SLC35D1: variants seen among roughly 807,000 people sequenced by gnomAD.
SLC35D1 encodes nucleotide sugar transporter SLC35D1.
SLC35D1 carries 31 observed loss-of-function variants against 46.7 expected under a neutral mutation model. The ratio of observed to expected loss-of-function variants is 0.66; its 90% CI spans 0.50 to 0.90. SLC35D1 has a LOEUF of 0.90. Among genes scored for constraint, SLC35D1 ranks in the 40% least tolerant of loss-of-function variants. The probability of loss-of-function intolerance (pLI) is 0.00; values close to 1 mark genes in which losing one functional copy is unlikely to be tolerated. For synonymous variants in SLC35D1, 195 were observed against 164.6 expected (o/e 1.18, Z -1.41); for missense variants, 397 against 426.2 (o/e 0.93, Z 0.60).
chr1:67,053,168 C>T (rs969589357), intron 1 of SLC35D1, among the ~76,000 whole-genome samples, 179 bp from the exon 2 acceptor site: 5 of 152,198 alleles, frequency 3.3e-5, no homozygotes, highest in African/African-American at 9.6e-5. Context: ...TCAGTCCACC[C>T]CGCTGATGTA....
intron 8 of SLC35D1, among the ~76,000 whole-genome samples, chr1:67,036,911 T>C (rs1668135179): frequency 6.6e-6 from 1 of 152,066 alleles, no homozygotes; most frequent in Non-Finnish European, 1.5e-5. Flanking sequence ...TGTGGTGGTA[T>C]AATTTCATTT....
intron 10 of SLC35D1, among the ~76,000 whole-genome samples, chr1:67,017,748 C>T (rs1667714914): frequency 6.6e-6 from 1 of 152,140 alleles, no homozygotes; most frequent in South Asian, 2.1e-4. Context: ...GATCTGTTTC[C>T]CTTCATCATA....
the SLC35D1 span, chr1:66,984,755 A>G: frequency 6.2e-7 from 1 of 1,614,064 alleles, no homozygotes; most frequent in Non-Finnish European, 8.5e-7. Flanking sequence ...GCAAGAAATG[A>G]AAATGATTTT....
At chr1:67,016,961 A>C (rs1667697859) in intron 10 of SLC35D1, among the ~76,000 whole-genome samples, 1 of 152,204 alleles carries the variant, frequency 6.6e-6, no homozygotes, top group Non-Finnish European at 1.5e-5. Flanking sequence ...ACTTTCTGAC[A>C]GACCAAGGGA....
intron 6 of SLC35D1, among the ~76,000 whole-genome samples, chr1:67,048,292 T>A (rs1312615528): frequency 6.6e-6 from 1 of 152,224 alleles, no homozygotes; most frequent in Admixed American, 6.5e-5. Flanking sequence ...CAGACAGTAA[T>A]CCTTTTCAGA....
the SLC35D1 span, chr1:66,973,120 TAGTG>T: frequency 1.7e-6 from 1 of 589,220 alleles, no homozygotes. Flanking sequence ...TTTTGGTATT[TAGTG>T]AGTAATTATA....
chr1:67,038,216 A>G (rs1166090378), intron 8 of SLC35D1, among the ~76,000 whole-genome samples: 2 of 152,228 alleles, frequency 1.3e-5, no homozygotes, highest in Non-Finnish European at 2.9e-5. Flanking sequence ...CTGAAAATCA[A>G]TCTGTGTGGT....
the SLC35D1 span, among the ~76,000 whole-genome samples, chr1:66,992,601 T>G: frequency 6.6e-6 from 1 of 152,244 alleles, no homozygotes; most frequent in Non-Finnish European, 1.5e-5. Context: ...ATCCTTTTCC[T>G]TCATGGCACT....
At chr1:66,973,693 T>G in the SLC35D1 span, among the ~76,000 whole-genome samples, 1 of 152,132 alleles carries the variant, frequency 6.6e-6, no homozygotes, top group Non-Finnish European at 1.5e-5. Context: ...GAAAAATGTG[T>G]TGTTTCCATG....
the SLC35D1 span, chr1:66,986,603 C>A: frequency 2.7e-6 from 2 of 746,186 alleles, no homozygotes; most frequent in Non-Finnish European, 4.5e-6. Flanking sequence ...GACTGCTTCC[C>A]TTCACCAATG....
intron 10 of SLC35D1, among the ~76,000 whole-genome samples, chr1:67,012,238 T>C (rs1365411641): frequency 6.6e-6 from 1 of 152,202 alleles, no homozygotes; most frequent in African/African-American, 2.4e-5. Context: ...AGGGCCTACC[T>C]ATTCTCACAG....
chr1:67,051,061 G>A (rs1473772025), intron 4 of SLC35D1, among the ~76,000 whole-genome samples: 2 of 150,962 alleles, frequency 1.3e-5, no homozygotes, highest in Non-Finnish European at 2.9e-5. Context: ...ATGAATGGTT[G>A]GATGAGATGG....
At chr1:67,029,066 A>G (rs983190527) in intron 8 of SLC35D1, among the ~76,000 whole-genome samples, 6 of 152,228 alleles carry the variant, frequency 3.9e-5, no homozygotes, top group African/African-American at 7.2e-5. Context: ...CTAGGAAATG[A>G]AAGACCACAT....
At chr1:67,052,370 AGAGCC>A (rs1645318896) in intron 3 of SLC35D1, among the ~76,000 whole-genome samples, 1 of 152,212 alleles carries the variant, frequency 6.6e-6, no homozygotes, top group East Asian at 1.9e-4. Flanking sequence ...ATAATGTATT[AGAGCC>A]CATGGCTCTA....
rs917549449 is a variant in SLC35D1 at position 67,002,421 on chromosome 1, T to C, written c.*1919A>G. 2 of 152,364 alleles carry C rather than the reference T, an allele frequency of 1.3e-5. No individual in the cohort carries two copies. The highest frequency in any genetic ancestry group is 1.3e-4 in the Admixed American group (2 of 15,286). 9.4% of individuals were successfully genotyped at this position (152,364 alleles called of 1,614,324 possible). A position where few individuals can be genotyped will look rare whatever the true frequency, so the allele number is the denominator to read the frequency against. ...AAGGGCGGTTAATTAAATGGCAGCA[T>C]AGTTCAATAAAAAGGACATGGGTTT... On this transcript the variant is annotated 3_prime_UTR_variant, in exon 12 of 12. Coordinates refer to ENST00000235345, the MANE Select transcript of SLC35D1 (RefSeq NM_015139.3).
intron 8 of SLC35D1, among the ~76,000 whole-genome samples, chr1:67,025,535 A>G (rs1667898829): frequency 6.6e-6 from 1 of 152,194 alleles, no homozygotes; most frequent in African/African-American, 2.4e-5. Flanking sequence ...TTATTTTTGA[A>G]AACTGATTTG....
In SLC35D1 at chr1:67,049,688, T is replaced by C. The variant is rs1645287370; in HGVS notation, c.533+94A>G. 5 of 1,112,738 alleles carry C rather than the reference T, an allele frequency of 4.5e-6. No individual in the cohort carries two copies. The Admixed American group carries it at 9.8e-5, about 22-fold the overall frequency. The allele number at this position is 1,112,738 out of a possible 1,614,324, so 68.9% of individuals were successfully genotyped here. The stretch of plus-strand genomic sequence containing the variant: ...ATGCTTTTCAAAGATATAATTCTTA[T>C]TTAGGCAATAAAAAATTGTTATTGA... On this transcript the variant is annotated intron_variant, in intron 6 of 11. Coordinates refer to ENST00000235345, the MANE Select transcript of SLC35D1 (RefSeq NM_015139.3).
chr1:66,973,003 TA>T, the SLC35D1 span: 1 of 1,497,144 alleles, frequency 6.7e-7, no homozygotes, highest in Non-Finnish European at 9.3e-7. Context: ...TAAGTAATGA[TA>T]ATCTCTTTTT....
chr1:66,974,312 T>C, the SLC35D1 span, among the ~76,000 whole-genome samples: 1 of 152,242 alleles, frequency 6.6e-6, no homozygotes, highest in Admixed American at 6.5e-5. Flanking sequence ...ACCTCAAATA[T>C]AGTTAACATT....
Sources: allele counts gnomAD v4.1 joint callset (sites outside exome capture counted in the v4.1 genomes callset), GRCh38; gene constraint gnomAD v4.1.1; transcripts MANE v1.5; gene names NCBI Gene and HGNC (gene_info 2026-07-23, HGNC 2026-07-21).